The following PXDNL variants were observed in gnomAD, a reference collection of about 807,000 sequenced individuals.
The protein encoded by PXDNL is peroxidasin like.
PXDNL carries 145 observed loss-of-function variants against 150.8 expected under a neutral mutation model. The ratio of observed to expected loss-of-function variants is 0.96; its 90% CI spans 0.84 to 1.10. The LOEUF is 1.10. Ranked by LOEUF, PXDNL falls within the 50% of genes least tolerant of loss-of-function variation. PXDNL has a pLI of 0.00. For synonymous variants in PXDNL, 757 were observed against 725.7 expected (o/e 1.04, Z -0.69); for missense variants, 2,087 against 1,873.9 (o/e 1.11, Z -2.10).
At chr8:51,777,657 C>A (rs1348435493) in intron 1 of PXDNL, among the ~76,000 whole-genome samples, 1 of 152,162 alleles carries the variant, frequency 6.6e-6, no homozygotes, top group Non-Finnish European at 1.5e-5. Context: ...AATCCCAGCA[C>A]TTTGGGAGGC....
At chr8:51,664,880 A>G (rs1369371831) in intron 1 of PXDNL, among the ~76,000 whole-genome samples, 1 of 152,086 alleles carries the variant, frequency 6.6e-6, no homozygotes, top group Non-Finnish European at 1.5e-5. Context: ...CAGCCTGGTC[A>G]TACTGTTTTC....
At chr8:51,713,918 A>T (rs1235799484) in intron 1 of PXDNL, among the ~76,000 whole-genome samples, 1 of 152,220 alleles carries the variant, frequency 6.6e-6, no homozygotes, top group African/African-American at 2.4e-5. Flanking sequence ...TTTCCTCCCT[A>T]TCACTTTAAT....
At chr8:51,632,590 T>C (rs1814514309) in intron 2 of PXDNL, among the ~76,000 whole-genome samples, 2 of 152,116 alleles carry the variant, frequency 1.3e-5, no homozygotes, top group Admixed American at 6.6e-5. Flanking sequence ...TGAGACCCTA[T>C]CTCAATCAAT....
intron 21 of PXDNL, among the ~76,000 whole-genome samples, chr8:51,331,288 T>C (rs1287694588): frequency 6.6e-6 from 1 of 151,962 alleles, no homozygotes; most frequent in Non-Finnish European, 1.5e-5. Context: ...CCAAGCCAAG[T>C]GAAATACAGG....
At chr8:51,341,427 A>G (rs559350875) in intron 20 of PXDNL, among the ~76,000 whole-genome samples, 1 of 152,126 alleles carries the variant, frequency 6.6e-6, no homozygotes, top group African/African-American at 2.4e-5. Context: ...TCACGTGTGC[A>G]TGTGGTTTGT....
chr8:51,704,752 G>C (rs1448681997), intron 1 of PXDNL, among the ~76,000 whole-genome samples: 1 of 152,118 alleles, frequency 6.6e-6, no homozygotes, highest in Non-Finnish European at 1.5e-5. Context: ...GCATTTTTTG[G>C]TGGTTTATTG....
At chr8:51,447,283 C>T (rs1809698423) in intron 11 of PXDNL, 121 bp from the exon 12 acceptor site, 2 of 978,998 alleles carry the variant, frequency 2.0e-6, no homozygotes. Context: ...CTAGGGTGTA[C>T]TGTGTGCGTT....
chr8:51,441,725 G>A (rs1218861643), intron 12 of PXDNL, among the ~76,000 whole-genome samples: 8 of 152,092 alleles, frequency 5.3e-5, no homozygotes, highest in Non-Finnish European at 2.9e-5. Flanking sequence ...CATAGAAAAT[G>A]GTGACTTAAG....
At chr8:51,363,823 C>T (rs554138101) in intron 19 of PXDNL, among the ~76,000 whole-genome samples, 1 of 152,194 alleles carries the variant, frequency 6.6e-6, no homozygotes, top group South Asian at 2.1e-4. Context: ...TAAAAGCTTT[C>T]CCATGCACAA....
At chr8:51,674,505 T>C (rs1414889394) in intron 1 of PXDNL, among the ~76,000 whole-genome samples, 1 of 152,254 alleles carries the variant, frequency 6.6e-6, no homozygotes, top group Non-Finnish European at 1.5e-5. Flanking sequence ...TTTTGTATTG[T>C]TCACTTAACA....
At chr8:51,341,944 C>T (rs1185411750) in intron 20 of PXDNL, among the ~76,000 whole-genome samples, 1 of 152,158 alleles carries the variant, frequency 6.6e-6, no homozygotes, top group Non-Finnish European at 1.5e-5. Context: ...CTAGCAATCC[C>T]ACGCCTGGGT....
chr8:51,382,169 A>G (rs941885497), intron 17 of PXDNL, among the ~76,000 whole-genome samples: 98 of 152,232 alleles, frequency 6.4e-4, no homozygotes, highest in African/African-American at 2.3e-3. Context: ...GGCAGTTTGA[A>G]CAAAGACCGA....
intron 1 of PXDNL, among the ~76,000 whole-genome samples, chr8:51,702,179 CCT>C (rs1816270927): frequency 6.6e-6 from 1 of 152,046 alleles, no homozygotes; most frequent in Non-Finnish European, 1.5e-5. Flanking sequence ...AGAGGCACAC[CCT>C]GTTATTTTAT....
intron 19 of PXDNL, among the ~76,000 whole-genome samples, chr8:51,365,832 G>A (rs983689778): frequency 6.6e-6 from 1 of 152,100 alleles, no homozygotes; most frequent in Non-Finnish European, 1.5e-5. Flanking sequence ...ACAAAATTAT[G>A]GGAGATCATT....
chr8:51,563,892 CAGATTTTCA>C (rs1235851317), intron 3 of PXDNL, among the ~76,000 whole-genome samples: 1 of 151,764 alleles, frequency 6.6e-6, no homozygotes, highest in African/African-American at 2.4e-5. Context: ...AAATTCCATG[CAGATTTTCA>C]AGTAATAATA....
chr8:51,696,818 C>T (rs1185364829), intron 1 of PXDNL, among the ~76,000 whole-genome samples: 88 of 436 alleles, frequency 0.2, no homozygotes, highest in East Asian at 0.29. Context: ...CACACACACA[C>T]ACACACACAC....
intron 4 of PXDNL, among the ~76,000 whole-genome samples, chr8:51,533,517 C>A (rs960397405): frequency 1.4e-4 from 19 of 132,946 alleles, no homozygotes; most frequent in Admixed American, 4.3e-4. Flanking sequence ...CTCTCCCTCT[C>A]CCTCCACGGT....
At chr8:51,419,769 C>T (rs534493537) in intron 14 of PXDNL, among the ~76,000 whole-genome samples, 6 of 152,110 alleles carry the variant, frequency 3.9e-5, no homozygotes, top group African/African-American at 9.6e-5. Flanking sequence ...AACATTTTAT[C>T]TAAATAAAAT....
intron 4 of PXDNL, among the ~76,000 whole-genome samples, chr8:51,506,597 A>G (rs1811299004): frequency 6.6e-6 from 1 of 151,788 alleles, no homozygotes. Flanking sequence ...ATGTTTCTAC[A>G]ATAGTTTAGA....
Sources: gnomAD v4.1 joint callset for allele counts (sites outside exome capture counted in the v4.1 genomes callset) on GRCh38, gnomAD v4.1.1 for gene constraint, MANE v1.5 for transcripts, NCBI Gene and HGNC (gene_info 2026-07-23, HGNC 2026-07-21) for gene names.